The following GABRB1 variants were observed in gnomAD, a reference collection of about 807,000 sequenced individuals.
The protein encoded by GABRB1 is gamma-aminobutyric acid receptor subunit beta-1.
A neutral mutation model predicts 51.6 loss-of-function variants in GABRB1; 17 were observed. The observed-to-expected ratio is 0.33, with a 90% CI of 0.23 to 0.49. GABRB1 has a LOEUF of 0.49. GABRB1 is among the 20% of genes least tolerant of loss of function. The pLI is 0.99. For missense variants in GABRB1, 410 were observed against 600.6 expected (o/e 0.68, Z 3.32); for synonymous variants, 247 against 218.9 (o/e 1.13, Z -1.14).
intron 3 of GABRB1, among the ~76,000 whole-genome samples, chr4:47,157,623 A>C (rs2109730793): frequency 6.6e-6 from 1 of 152,280 alleles, no homozygotes; most frequent in South Asian, 2.1e-4. Flanking sequence ...AAGGGTTATG[A>C]GAACCACGAG....
At chr4:47,124,414 C>T (rs1435584645) in intron 3 of GABRB1, among the ~76,000 whole-genome samples, 1 of 152,068 alleles carries the variant, frequency 6.6e-6, no homozygotes, top group African/African-American at 2.4e-5. Context: ...GGTGTTTGGT[C>T]TTTCAAATAC....
chr4:47,249,853 A>G (rs910945460), intron 4 of GABRB1, among the ~76,000 whole-genome samples: 3 of 152,130 alleles, frequency 2.0e-5, no homozygotes, highest in Non-Finnish European at 4.4e-5. Context: ...AAGGCAGCAG[A>G]TAGTAGATTG....
At position 47,273,217 on chromosome 4, in the gene GABRB1, G is replaced by A. The variant is rs141469285; in HGVS notation, c.462-46910G>A. On this transcript the variant is annotated intron_variant, in intron 4 of 8. Transcript: ENST00000295454. ...ATCTATCATGTTATACAGGAGCTTT[G>A]CAGAATAAAATCCTCCCAGGCAGCT... Among the ~76,000 whole-genome samples, 1,093 of 152,220 alleles carry A rather than the reference G, an allele frequency of 7.2e-3. 8 individuals are homozygous for A. The highest frequency in any genetic ancestry group is 0.011 in the Non-Finnish European group (739 of 68,004).
intron 4 of GABRB1, among the ~76,000 whole-genome samples, chr4:47,317,969 T>G (rs1724949986): frequency 1.3e-5 from 2 of 152,032 alleles, no homozygotes; most frequent in African/African-American, 4.8e-5. Context: ...TGTTGAGGAT[T>G]ACATTACTTT....
intron 5 of GABRB1, among the ~76,000 whole-genome samples, chr4:47,341,287 T>A (rs1480152049): frequency 6.6e-6 from 1 of 152,158 alleles, no homozygotes; most frequent in African/African-American, 2.4e-5. Context: ...ACCCACCAAG[T>A]CATAAGATGT....
chr4:47,265,591 C>G (rs1488360683), intron 4 of GABRB1, among the ~76,000 whole-genome samples: 2 of 152,160 alleles, frequency 1.3e-5, no homozygotes, highest in African/African-American at 2.4e-5. Context: ...TCTCCACATT[C>G]TTGCCAACAT....
intron 4 of GABRB1, among the ~76,000 whole-genome samples, chr4:47,240,904 T>C (rs753878264): frequency 6.6e-6 from 1 of 152,160 alleles, no homozygotes; most frequent in African/African-American, 2.4e-5. Flanking sequence ...TCCCCATTTT[T>C]CCTCTTTCAG....
intron 3 of GABRB1, among the ~76,000 whole-genome samples, chr4:47,144,040 T>G (rs1176583738): frequency 6.6e-6 from 1 of 151,942 alleles, no homozygotes; most frequent in African/African-American, 2.4e-5. Context: ...TTGTTTCTCC[T>G]TAACCACACT....
intron 3 of GABRB1, among the ~76,000 whole-genome samples, chr4:47,144,898 G>A (rs1216895065): frequency 6.6e-6 from 1 of 151,762 alleles, no homozygotes; most frequent in Non-Finnish European, 1.5e-5. Flanking sequence ...TCATGACCAC[G>A]CATGCCAAGC....
chr4:47,034,181 T>A (rs1289141001), intron 3 of GABRB1, among the ~76,000 whole-genome samples: 1 of 152,208 alleles, frequency 6.6e-6, no homozygotes, highest in African/African-American at 2.4e-5. Flanking sequence ...GCCTTTGTTC[T>A]ACCTTGCCGT....
chr4:47,347,207 A>G (rs1465125731), intron 5 of GABRB1, among the ~76,000 whole-genome samples: 1 of 152,048 alleles, frequency 6.6e-6, no homozygotes, highest in Non-Finnish European at 1.5e-5. Context: ...GCTCCAACCC[A>G]GGAGGTAGAG....
chr4:47,239,938 C>A (rs1721463924), intron 4 of GABRB1, among the ~76,000 whole-genome samples: 1 of 152,176 alleles, frequency 6.6e-6, no homozygotes, highest in Non-Finnish European at 1.5e-5. Context: ...CATTTCTACT[C>A]CAAGGACCCT....
At chr4:47,425,159 G>A (rs908172918) in intron 8 of GABRB1, among the ~76,000 whole-genome samples, 3 of 152,060 alleles carry the variant, frequency 2.0e-5, no homozygotes, top group East Asian at 1.9e-4. Flanking sequence ...TTATTAACAA[G>A]GAAAGATGCC....
At chr4:47,125,204 C>T (rs1716059733) in intron 3 of GABRB1, among the ~76,000 whole-genome samples, 1 of 152,010 alleles carries the variant, frequency 6.6e-6, no homozygotes, top group Non-Finnish European at 1.5e-5. Context: ...AAACAGCTTC[C>T]AAACAAGAGT....
intron 4 of GABRB1, among the ~76,000 whole-genome samples, chr4:47,289,004 G>T (rs1723623005): frequency 6.6e-6 from 1 of 151,998 alleles, no homozygotes; most frequent in Non-Finnish European, 1.5e-5. Context: ...GATCAATATA[G>T]ATGAGTGAAC....
At chr4:47,184,690 A>G (rs1719097926) in intron 4 of GABRB1, among the ~76,000 whole-genome samples, 1 of 151,890 alleles carries the variant, frequency 6.6e-6, no homozygotes, top group Non-Finnish European at 1.5e-5. Context: ...CATCGTATTG[A>G]GCTGAGATTA....
rs147702585 is a variant in GABRB1 at position 47,382,949 on chromosome 4, T to C, written c.545-20369T>C. On this transcript the variant is annotated intron_variant, in intron 5 of 8. Coordinates refer to ENST00000295454, the MANE Select transcript of GABRB1 (RefSeq NM_000812.4). ...TCTTTTCCTTCATGCCCAGACACAA[T>C]GCAATTTTTAAAACACAGACATTAA... 2.0e-4 allele frequency among the ~76,000 whole-genome samples: 31 copies of C among 152,254 alleles called. No homozygotes were observed. The East Asian group carries it at 4.2e-3, about 21-fold the overall frequency.
intron 5 of GABRB1, among the ~76,000 whole-genome samples, chr4:47,337,808 TAAAAA>T (rs1170540924): frequency 2.4e-5 from 2 of 84,486 alleles, no homozygotes; most frequent in African/African-American, 4.7e-5. Flanking sequence ...AGACTCTGTC[TAAAAA>T]AAAAAAAAAA....
At chr4:47,189,546 A>G (rs923877096) in intron 4 of GABRB1, among the ~76,000 whole-genome samples, 2 of 151,832 alleles carry the variant, frequency 1.3e-5, no homozygotes, top group African/African-American at 4.8e-5. Context: ...GTGTCTCTGC[A>G]TTTATGGAGG....
Sources: allele counts gnomAD v4.1 joint callset (sites outside exome capture counted in the v4.1 genomes callset), GRCh38; gene constraint gnomAD v4.1.1; transcripts MANE v1.5; gene names NCBI Gene and HGNC (gene_info 2026-07-23, HGNC 2026-07-21).